Variants in ZNF610 observed in about 807,000 individuals in gnomAD.
The protein encoded by ZNF610 is zinc finger protein 610, also known as zink finger protein.
ZNF610 carries 14 observed loss-of-function variants against 14.1 expected under a neutral mutation model. The ratio of observed to expected loss-of-function variants is 0.99; its 90% CI spans 0.65 to 1.55. ZNF610 has a LOEUF of 1.55. Ranked by LOEUF, ZNF610 falls within the 40% of genes most tolerant of loss-of-function variation. The pLI, the probability that ZNF610 is intolerant of heterozygous loss-of-function variation, is 0.00. For synonymous variants in ZNF610, 185 were observed against 187.6 expected (o/e 0.99, Z 0.11); for missense variants, 530 against 558.0 (o/e 0.95, Z 0.51).
rs1050486398 is a variant in ZNF610, at chr19:52,366,144, G to A, written c.766G>A (p.Gly256Arg). The change falls in exon 6 of 6, where the codon GGA (glycine) becomes AGA (arginine). Residue 256 changes from glycine to arginine, a missense_variant. Coordinates refer to ENST00000403906, the MANE Select transcript of ZNF610 (RefSeq NM_001161425.2). ...HLVEHWRIHT[G>R]QKPYKCSECD... ...TGTAGAACATTGGAGAATTCATACT[G>A]GACAGAAGCCTTACAAATGTAGTGA... 4.3e-6 allele frequency: 7 copies of A among 1,613,568 alleles called. No homozygotes were observed. The highest frequency in any genetic ancestry group is 5.9e-6 in the Non-Finnish European group (7 of 1,179,734).
At position 52,353,824 on chromosome 19, in the gene ZNF610, C is replaced by T. The variant is rs1175082535; in HGVS notation, c.190+16C>T. On this transcript the variant is annotated intron_variant, in intron 4 of 5. Transcript: ENST00000403906. ...GTCTTTCTGGGTGAGGATGACTTCC[C>T]TCCAGAAGCCGGGATCTGCTCTAAT... is the stretch of plus-strand genomic sequence containing the variant. 5 of 1,604,858 alleles carry T rather than the reference C, an allele frequency of 3.1e-6. No individual in the cohort carries two copies. Among genetic ancestry groups the T allele is most frequent in the East Asian group, 2.2e-5 (1 of 44,766 alleles).
intron 1 of ZNF610, among the ~76,000 whole-genome samples, chr19:52,343,035 C>T (rs1984761706): frequency 6.6e-6 from 1 of 151,974 alleles, no homozygotes; most frequent in African/African-American, 2.4e-5. Context: ...AATCCTGTGT[C>T]CACTCGTGTT....
In ZNF610 at chr19:52,366,834, T is replaced by TA; in HGVS notation, c.*68dup. On this transcript the variant is annotated 3_prime_UTR_variant, in exon 6 of 6. Transcript: ENST00000403906. ...ATTGGAGGACTCAGGAGAAAAACCT[T>TA]ACAAATATCATAAATGTGGCAAAGA... The TA allele has an allele frequency of 2.4e-6, 3 of 1,268,148 alleles. No individual in the cohort carries two copies. Among genetic ancestry groups the TA allele is most frequent in the South Asian group, 1.4e-5 (1 of 69,680 alleles). The allele number at this position is 1,268,148 out of a possible 1,614,324, so 78.6% of individuals were successfully genotyped here. A position where few individuals can be genotyped will look rare whatever the true frequency, so the allele number is the denominator to read the frequency against.
In ZNF610 at chr19:52,349,145, G is replaced by C. The variant is rs1985111538; in HGVS notation, c.-19-9G>C. The C allele has an allele frequency of 5.0e-6, 8 of 1,605,482 alleles. No homozygotes were observed. Among genetic ancestry groups the C allele is most frequent in the Admixed American group, 1.7e-5 (1 of 59,602 alleles). ...TCCGAGCAGTAATCAGTGTATTTTT[G>C]ACATTTAGGATTGACTTATAAACAG... On this transcript the variant is annotated splice_polypyrimidine_tract_variant and intron_variant, in intron 2 of 5. Coordinates refer to ENST00000403906, the MANE Select transcript of ZNF610 (RefSeq NM_001161425.2).
upstream of ZNF610, among the ~76,000 whole-genome samples, chr19:52,334,851 C>T (rs1447003423): frequency 1.3e-5 from 2 of 151,234 alleles, no homozygotes; most frequent in African/African-American, 4.9e-5. Flanking sequence ...GTCGCTTGAA[C>T]CGGGGAGGCA....
chr19:52,364,072 C>T (rs1985912201), intron 5 of ZNF610, among the ~76,000 whole-genome samples: 1 of 152,152 alleles, frequency 6.6e-6, no homozygotes, highest in African/African-American at 2.4e-5. Flanking sequence ...AACAATAAAA[C>T]ATTATTTTAA....
chr19:52,340,634 C>A (rs1984641123), intron 1 of ZNF610, among the ~76,000 whole-genome samples: 1 of 151,172 alleles, frequency 6.6e-6, no homozygotes, highest in Non-Finnish European at 1.5e-5. Flanking sequence ...GAATGACATC[C>A]CTCCTCTATG....
intron 5 of ZNF610, among the ~76,000 whole-genome samples, chr19:52,360,420 G>T (rs1190644599): frequency 6.6e-6 from 1 of 152,154 alleles, no homozygotes; most frequent in Non-Finnish European, 1.5e-5. Context: ...AGTCTTCCCT[G>T]GACACCAAGG....
At chr19:52,341,402 C>T (rs1444131458) in intron 1 of ZNF610, among the ~76,000 whole-genome samples, 2 of 150,566 alleles carry the variant, frequency 1.3e-5, no homozygotes, top group East Asian at 2.0e-4. Context: ...CTCTGCCTCC[C>T]GGATTCAAGC....
At chr19:52,332,062 AGGACCCC>A, upstream of ZNF610, among the ~76,000 whole-genome samples, 2 of 152,228 alleles carry the variant, frequency 1.3e-5, no homozygotes. The surrounding 1 kb of genome is among the most constrained non-coding windows in gnomAD (Gnocchi z 4.1). Flanking sequence ...AAGGTGAACA[AGGACCCC>A]GGGACGAGTC....
rs199850914 is a variant in ZNF610 at position 52,366,591 on chromosome 19, T to C, written c.1213T>C (p.Cys405Arg). 4.0e-5 allele frequency: 64 copies of C among 1,614,114 alleles called. No homozygotes were observed. The highest frequency in any genetic ancestry group is 4.9e-5 in the Non-Finnish European group (58 of 1,180,056). ...TGEKPYKCNECDKVFGRKLYL... is the reference protein window; with the variant it reads ...TGEKPYKCNERDKVFGRKLYL... ...AGAGAAACCTTACAAATGTAATGAA[T>C]GTGACAAAGTCTTTGGGCGCAAATT... The change falls in exon 6 of 6, where the codon TGT becomes CGT. Residue 405 changes from cysteine (C) to arginine (R), a missense_variant. Physicochemically the swap from Cys to Arg is radical, Grantham distance 180 (BLOSUM62 -3). Transcript: ENST00000403906.
At chr19:52,348,939 C>T (rs901412853) in intron 2 of ZNF610, among the ~76,000 whole-genome samples, 1 of 152,066 alleles carries the variant, frequency 6.6e-6, no homozygotes, top group Non-Finnish European at 1.5e-5. Context: ...AGCGTGTGTG[C>T]GGGCTTCTCC....
intron 5 of ZNF610, among the ~76,000 whole-genome samples, chr19:52,359,917 C>T (rs1413403529): frequency 1.3e-5 from 2 of 152,160 alleles, no homozygotes; most frequent in African/African-American, 2.4e-5. Flanking sequence ...TCTCACAGAA[C>T]TCACAGAAAC....
upstream of ZNF610, among the ~76,000 whole-genome samples, chr19:52,333,532 T>C (rs1984256722): frequency 6.6e-6 from 1 of 152,220 alleles, no homozygotes; most frequent in Non-Finnish European, 1.5e-5. Flanking sequence ...AAGTAAAATG[T>C]AAGAATTTGA....
At chr19:52,340,774 G>T (rs1253615632) in intron 1 of ZNF610, among the ~76,000 whole-genome samples, 1 of 151,922 alleles carries the variant, frequency 6.6e-6, no homozygotes, top group African/African-American at 2.4e-5. Flanking sequence ...CCTGCCTCCC[G>T]GGTTCAAGCG....
At chr19:52,336,099 G>A (rs1219340835), upstream of ZNF610, 1 of 153,470 alleles carries the variant, frequency 6.5e-6, no homozygotes, top group African/African-American at 2.4e-5. Flanking sequence ...TGCTCCGGCA[G>A]GATCCCAGTT....
intron 1 of ZNF610, among the ~76,000 whole-genome samples, chr19:52,338,343 A>C (rs960785614): frequency 6.6e-5 from 10 of 152,234 alleles, no homozygotes; most frequent in Admixed American, 5.9e-4. Context: ...CAAAGGATAC[A>C]GATGAACAGC....
chr19:52,334,960 A>ACACACACACACACACACGG (rs59969071), upstream of ZNF610, among the ~76,000 whole-genome samples: 1 of 136,454 alleles, frequency 7.3e-6, no homozygotes, highest in Non-Finnish European at 1.6e-5. Context: ...CACACACACA[A>ACACACACACACACACACGG]TGTAATTTAC....
At chr19:52,339,481 G>A (rs771679567) in intron 1 of ZNF610, among the ~76,000 whole-genome samples, 6 of 152,026 alleles carry the variant, frequency 3.9e-5, no homozygotes, top group Admixed American at 1.3e-4. Flanking sequence ...GGAGAATGGC[G>A]ATGACTTTTA....
Sources: gnomAD v4.1 joint callset for allele counts (sites outside exome capture counted in the v4.1 genomes callset) on GRCh38, gnomAD v4.1.1 for gene constraint, Gnocchi (gnomAD v3.1) non-coding constraint, MANE v1.5 for transcripts, NCBI Gene and HGNC (gene_info 2026-07-23, HGNC 2026-07-21) for gene names.